Variants in DOCK2 observed in about 807,000 individuals in gnomAD.
DOCK2 encodes dedicator of cytokinesis protein 2.
A neutral mutation model predicts 248.9 loss-of-function variants in DOCK2; 87 were observed. The ratio of observed to expected loss-of-function variants is 0.35; its 90% CI spans 0.29 to 0.42. The LOEUF (loss-of-function observed/expected upper bound fraction) is 0.42, where lower values mean the gene tolerates loss of function less well. Ranked by LOEUF, DOCK2 falls within the 10% of genes least tolerant of loss-of-function variation. The pLI, the probability that DOCK2 is intolerant of heterozygous loss-of-function variation, is 1.00. For synonymous variants in DOCK2, 805 were observed against 821.6 expected, an observed-to-expected ratio of 0.98 and a Z score of 0.35; for missense variants, 1,747 against 2,300.2, an observed-to-expected ratio of 0.76 and a Z score of 4.92.
chr5:169,803,696 G>A (rs1767137543), intron 26 of DOCK2, among the ~76,000 whole-genome samples: 1 of 152,194 alleles, frequency 6.6e-6, no homozygotes, highest in Admixed American at 6.5e-5. Flanking sequence ...GAGTAGGATG[G>A]TGGTAGGGAG....
At chr5:169,814,006 A>G (rs1461578141) in intron 26 of DOCK2, among the ~76,000 whole-genome samples, 3 of 152,214 alleles carry the variant, frequency 2.0e-5, no homozygotes, top group African/African-American at 7.2e-5. Context: ...TGATTTGACA[A>G]ACACCACCAG....
At chr5:169,730,540 C>A (rs574521439) in intron 22 of DOCK2, among the ~76,000 whole-genome samples, 1 of 152,256 alleles carries the variant, frequency 6.6e-6, no homozygotes, top group South Asian at 2.1e-4. Flanking sequence ...GCAGGTAGCA[C>A]GTATAATACT....
At chr5:169,725,131 T>A (rs753002371) in intron 22 of DOCK2, among the ~76,000 whole-genome samples, 5 of 152,276 alleles carry the variant, frequency 3.3e-5, no homozygotes, top group Non-Finnish European at 5.9e-5. Context: ...GCGTGTAATT[T>A]GTTTGCATAT....
At chr5:169,743,594 G>T (rs1171774092) in intron 22 of DOCK2, among the ~76,000 whole-genome samples, 2 of 151,992 alleles carry the variant, frequency 1.3e-5, no homozygotes, top group Non-Finnish European at 2.9e-5. Context: ...TGAGCATTAG[G>T]ACTCCTTTTT....
At chr5:169,912,687 G>A (rs1203072097) in intron 27 of DOCK2, among the ~76,000 whole-genome samples, 1 of 152,074 alleles carries the variant, frequency 6.6e-6, no homozygotes, top group Non-Finnish European at 1.5e-5. Flanking sequence ...TACCCATAAT[G>A]TATGAAGGTA....
intron 27 of DOCK2, among the ~76,000 whole-genome samples, chr5:169,852,662 A>G (rs1770675853): frequency 6.6e-6 from 1 of 152,266 alleles, no homozygotes; most frequent in Non-Finnish European, 1.5e-5. Context: ...CTTAACACAT[A>G]GTAGGCCCTT....
chr5:169,839,338 G>A (rs1420839574), intron 26 of DOCK2, among the ~76,000 whole-genome samples: 1 of 152,140 alleles, frequency 6.6e-6, no homozygotes, highest in African/African-American at 2.4e-5. Context: ...TCATTTTTAG[G>A]TCCACATCGA....
rs185310116 is a variant in DOCK2, at chr5:169,706,621, C to T, written c.1384-1548C>T. Among the ~76,000 whole-genome samples the T allele has an allele frequency of 9.9e-3, 1,506 of 152,302 alleles. 12 individuals are homozygous for T. Among genetic ancestry groups the T allele is most frequent in the Non-Finnish European group, 0.015 (1,041 of 68,040 alleles). On this transcript the variant is annotated intron_variant, in intron 14 of 51. Transcript: ENST00000520908. ...TGGAAGCATGTTTTTAGCTCAGTGC[C>T]TCGGGAAGTTCTGGAAGGCTTCATC...
intron 22 of DOCK2, among the ~76,000 whole-genome samples, chr5:169,740,712 C>A (rs1254289403): frequency 9.2e-5 from 14 of 152,200 alleles, no homozygotes; most frequent in Admixed American, 7.9e-4. Context: ...TCATCCTAAC[C>A]GTTCCTTACA....
intron 1 of DOCK2, among the ~76,000 whole-genome samples, chr5:169,641,927 C>T (rs537833487): frequency 6.6e-6 from 1 of 152,294 alleles, no homozygotes; most frequent in East Asian, 1.9e-4. Flanking sequence ...AAAGACAACC[C>T]AAGTCAGAGT....
intron 14 of DOCK2, 87 bp downstream of exon 14, chr5:169,702,514 G>A (rs1761035511): frequency 1.3e-6 from 2 of 1,567,944 alleles, no homozygotes; most frequent in Admixed American, 1.8e-5. Flanking sequence ...CCCTGATTCT[G>A]TTGTCTAAAT....
intron 27 of DOCK2, chr5:169,883,049 T>C: frequency 6.4e-7 from 1 of 1,551,614 alleles, no homozygotes; most frequent in Non-Finnish European, 8.7e-7. Flanking sequence ...TCATCTGAGT[T>C]GTCTTTGGGC....
chr5:169,807,203 C>T (rs533931325), intron 26 of DOCK2, among the ~76,000 whole-genome samples: 10 of 152,186 alleles, frequency 6.6e-5, no homozygotes, highest in African/African-American at 2.4e-4. Context: ...GTGATGATTA[C>T]CAGGTGATGC....
intron 25 of DOCK2, among the ~76,000 whole-genome samples, chr5:169,799,520 C>A (rs571333397): frequency 6.6e-6 from 1 of 152,184 alleles, no homozygotes; most frequent in Non-Finnish European, 1.5e-5. Context: ...AAGTTCACAT[C>A]CTTTTGAAGA....
rs73799363 is a variant in DOCK2 at position 169,722,089 on chromosome 5, C to A, written c.2267+3298C>A. Among the ~76,000 whole-genome samples, 1,437 of 152,296 alleles carry A rather than the reference C, an allele frequency of 9.4e-3. 19 individuals are homozygous for A. Among genetic ancestry groups the A allele is most frequent in the African/African-American group, 0.033 (1,370 of 41,558 alleles). On this transcript the variant is annotated intron_variant, in intron 22 of 51. Coordinates refer to ENST00000520908, the MANE Select transcript of DOCK2 (RefSeq NM_004946.3). ...ATAAATATGTCCAATATCCACTAGGCTTTTGTAGAATGACTGAGCTCCTGG... is the reference window on the plus strand; with the variant it reads ...ATAAATATGTCCAATATCCACTAGGATTTTGTAGAATGACTGAGCTCCTGG...
intron 27 of DOCK2, among the ~76,000 whole-genome samples, chr5:169,964,840 A>G (rs1777236740): frequency 6.6e-6 from 1 of 152,238 alleles, no homozygotes; most frequent in Admixed American, 6.5e-5. Context: ...TGGAGGATTC[A>G]AAGGGGGAAC....
At chr5:169,947,333 G>A (rs192380115) in intron 27 of DOCK2, among the ~76,000 whole-genome samples, 246 of 152,324 alleles carry the variant, frequency 1.6e-3, no homozygotes, top group African/African-American at 5.7e-3. Flanking sequence ...ATTTTCCAAG[G>A]GGAATGAGGA....
intron 27 of DOCK2, among the ~76,000 whole-genome samples, chr5:169,944,503 G>A (rs1271667453): frequency 6.6e-6 from 1 of 152,224 alleles, no homozygotes; most frequent in South Asian, 2.1e-4. Flanking sequence ...GAGCAGCCAG[G>A]CCTGTGCAGT....
chr5:169,813,967 G>A (rs75613870), intron 26 of DOCK2, among the ~76,000 whole-genome samples: 12,001 of 152,210 alleles, frequency 0.079, 517 homozygotes, highest in Non-Finnish European at 0.092. Context: ...GCCTTAAGTA[G>A]GACATAAAAA....
Sources: allele counts gnomAD v4.1 joint callset (sites outside exome capture counted in the v4.1 genomes callset), GRCh38; gene constraint gnomAD v4.1.1; transcripts MANE v1.5; gene names NCBI Gene and HGNC (gene_info 2026-07-23, HGNC 2026-07-21).